The following DOCK1 variants were observed in gnomAD, a reference collection of about 807,000 sequenced individuals.
The protein encoded by DOCK1 is dedicator of cytokinesis 1, also known as dedicator of cytokinesis protein 1.
A neutral mutation model predicts 262.7 loss-of-function variants in DOCK1; 138 were observed. That is an observed-to-expected ratio of 0.53 (90% CI 0.46 to 0.61). DOCK1 has a LOEUF of 0.61. Ranked by LOEUF, DOCK1 falls within the 20% of genes least tolerant of loss-of-function variation. The pLI is 0.00. For synonymous variants in DOCK1, 866 were observed against 867.4 expected (o/e 1.00, Z 0.03); for missense variants, 1,908 against 2,370.7 (o/e 0.80, Z 4.05).
At chr10:127,357,204 C>CT (rs1357521897) in intron 32 of DOCK1, among the ~76,000 whole-genome samples, 5 of 152,212 alleles carry the variant, frequency 3.3e-5, no homozygotes, top group African/African-American at 1.2e-4. Flanking sequence ...AGAGGTCACC[C>CT]TGACTGATGG....
intron 13 of DOCK1, among the ~76,000 whole-genome samples, chr10:127,019,922 A>G (rs1431689260): frequency 1.3e-5 from 2 of 152,196 alleles, no homozygotes. Context: ...TGTGCTGTAT[A>G]GCCAGGAGAG....
chr10:127,376,530 G>A (rs115259760), intron 35 of DOCK1, among the ~76,000 whole-genome samples: 326 of 152,314 alleles, frequency 2.1e-3, no homozygotes, highest in African/African-American at 7.6e-3. Flanking sequence ...AGAACCTGGC[G>A]CTTACTTCAC....
intron 1 of DOCK1, among the ~76,000 whole-genome samples, chr10:126,948,863 T>C (rs1329200708): frequency 2.0e-5 from 3 of 152,012 alleles, no homozygotes; most frequent in Admixed American, 6.6e-5. Context: ...GTTGGGGATA[T>C]GTGTGCTGGG....
chr10:127,023,198 A>G lies in DOCK1; in HGVS notation c.1328-2A>G, dbSNP rs1223660578. ...TTAAATGTATGATTTCTCCCCCCTC[A>G]GGTGATGTTCGAAATGATATCTATG... On this transcript the variant is annotated splice_acceptor_variant, in intron 13 of 51. Coordinates refer to ENST00000623213, the MANE Select transcript of DOCK1 (RefSeq NM_001290223.2). LOFTEE classifies it high-confidence loss of function. The G allele has an allele frequency of 6.2e-7, 1 of 1,613,380 alleles. No homozygotes were observed. Among genetic ancestry groups the G allele is most frequent in the Non-Finnish European group, 8.5e-7 (1 of 1,179,670 alleles).
rs369874564 is a variant in DOCK1, at chr10:127,336,808, G to A, written c.3045-2198G>A. Among the ~76,000 whole-genome samples the A allele has an allele frequency of 3.3e-5, 5 of 152,208 alleles. No individual in the cohort carries two copies. In the East Asian group the frequency reaches 9.7e-4, roughly 29 times the overall value. Reference sequence around the variant, plus strand: ...CCCACCTTGGCCTCCCAAAGTGCTGGGATTACAGGCGTGAGCCACCGCGCC... The same window carrying A: ...CCCACCTTGGCCTCCCAAAGTGCTGAGATTACAGGCGTGAGCCACCGCGCC... On this transcript the variant is annotated intron_variant, in intron 29 of 51. Coordinates refer to ENST00000623213, the MANE Select transcript of DOCK1 (RefSeq NM_001290223.2).
chr10:127,302,494 G>A (rs2061715611), intron 29 of DOCK1, among the ~76,000 whole-genome samples: 1 of 152,104 alleles, frequency 6.6e-6, no homozygotes, highest in African/African-American at 2.4e-5. Flanking sequence ...ATAGGTAAAG[G>A]CAATTTGAGG....
intron 20 of DOCK1, 53 bp downstream of exon 20, chr10:127,042,767 T>C (rs972694968): frequency 7.8e-5 from 122 of 1,574,134 alleles, no homozygotes; most frequent in Non-Finnish European, 1.0e-4. Flanking sequence ...TCTTCCATGC[T>C]GCAGCGTCTG....
intron 29 of DOCK1, among the ~76,000 whole-genome samples, chr10:127,303,173 A>G (rs2061748622): frequency 6.6e-6 from 1 of 152,210 alleles, no homozygotes; most frequent in African/African-American, 2.4e-5. Flanking sequence ...CTTGGGATTT[A>G]TAGCCAACAA....
intron 6 of DOCK1, among the ~76,000 whole-genome samples, chr10:126,994,833 G>A (rs1326409680): frequency 3.3e-5 from 5 of 152,268 alleles, no homozygotes; most frequent in East Asian, 3.9e-4. Context: ...GAGCTGTTGC[G>A]TACACCTCCC....
intron 8 of DOCK1, 66 bp downstream of exon 8, chr10:126,998,315 C>A: frequency 6.3e-7 from 1 of 1,596,428 alleles, no homozygotes; most frequent in Non-Finnish European, 8.6e-7. Context: ...GGATCAGAAC[C>A]ACTGAAGCGT....
chr10:126,907,980 G>A (rs2031176094), intron 1 of DOCK1, among the ~76,000 whole-genome samples: 1 of 152,222 alleles, frequency 6.6e-6, no homozygotes. Context: ...GAAATGCTAG[G>A]AAAGATGTGA....
At chr10:127,406,803 A>G (rs2067541770) in intron 40 of DOCK1, among the ~76,000 whole-genome samples, 1 of 152,184 alleles carries the variant, frequency 6.6e-6, no homozygotes, top group African/African-American at 2.4e-5. Context: ...TCGTGTTTTT[A>G]CCTATAACTC....
chr10:126,987,731 G>A (rs1002097994), intron 5 of DOCK1, 114 bp downstream of exon 5: 9 of 987,612 alleles, frequency 9.1e-6, no homozygotes, highest in Admixed American at 5.5e-5. Flanking sequence ...CAGAGCTTCC[G>A]AGACAGAGTT....
chr10:127,079,434 A>G (rs2046769121), intron 23 of DOCK1, among the ~76,000 whole-genome samples: 1 of 152,234 alleles, frequency 6.6e-6, no homozygotes, highest in African/African-American at 2.4e-5. Flanking sequence ...GGCAGTGAAC[A>G]TCAAGGAAAA....
rs541511637 is a variant in DOCK1, at chr10:127,166,419, G to T, written c.2847+38655G>T. 2.0e-5 allele frequency among the ~76,000 whole-genome samples: 3 copies of T among 152,336 alleles called. No homozygotes were observed. The South Asian group carries it at 6.2e-4, about 32-fold the overall frequency. ...ATGTTGGTTCCCCATTTTCAGGGGA[G>T]AGAGAAGATGAGTGGGCCGGTCTGA... On this transcript the variant is annotated intron_variant, in intron 27 of 51. Transcript: ENST00000623213.
rs145044855 is a variant in DOCK1 at position 126,976,797 on chromosome 10, G to A, written c.131-1151G>A. On this transcript the variant is annotated intron_variant, in intron 2 of 51. Coordinates refer to ENST00000623213, the MANE Select transcript of DOCK1 (RefSeq NM_001290223.2). The stretch of plus-strand genomic sequence containing the variant: ...CATCCAGGCTGGAGTGCAGTGGCAT[G>A]ATCTTAGCTCACTGCAACCTCTGCC... 1.2e-3 allele frequency among the ~76,000 whole-genome samples: 178 copies of A among 151,886 alleles called. 2 individuals carry two copies. In the East Asian group the frequency reaches 0.032, roughly 28 times the overall value.
intron 27 of DOCK1, among the ~76,000 whole-genome samples, chr10:127,141,580 G>C (rs981668394): frequency 1.3e-5 from 2 of 152,008 alleles, no homozygotes; most frequent in African/African-American, 4.8e-5. Flanking sequence ...GTGCATGTCT[G>C]TAATCCCAGC....
At chr10:127,320,490 CA>C (rs1347033285) in intron 29 of DOCK1, among the ~76,000 whole-genome samples, 1 of 152,072 alleles carries the variant, frequency 6.6e-6, no homozygotes, top group Non-Finnish European at 1.5e-5. Flanking sequence ...CACCGTGCAC[CA>C]GGATGGAGAG....
At chr10:127,275,302 G>C (rs538634283) in intron 29 of DOCK1, among the ~76,000 whole-genome samples, 35 of 152,060 alleles carry the variant, frequency 2.3e-4, no homozygotes, top group Non-Finnish European at 3.4e-4. Context: ...TTCTGAGAGA[G>C]AGCATAGAAA....
Sources: allele counts gnomAD v4.1 joint callset (sites outside exome capture counted in the v4.1 genomes callset), GRCh38; gene constraint gnomAD v4.1.1; transcripts MANE v1.5; gene names NCBI Gene and HGNC (gene_info 2026-07-23, HGNC 2026-07-21).